CACNA1E: variants seen among roughly 807,000 people sequenced by gnomAD.
The protein encoded by CACNA1E is voltage-dependent R-type calcium channel subunit alpha-1E.
A neutral mutation model predicts 259.2 loss-of-function variants in CACNA1E; 40 were observed. The ratio of observed to expected loss-of-function variants is 0.15; its 90% confidence interval spans 0.12 to 0.20. CACNA1E has a LOEUF of 0.20. Among genes scored for constraint, CACNA1E ranks in the 10% least tolerant of loss-of-function variants. CACNA1E has a pLI of 1.00. For synonymous variants in CACNA1E, 1,104 were observed against 1,138.5 expected, an observed-to-expected ratio of 0.97 and a Z score of 0.61; for missense variants, 1,874 against 3,040.1, an observed-to-expected ratio of 0.62 and a Z score of 9.02.
chr1:181,371,999 A>G (rs752895550), intron 1 of CACNA1E, among the ~76,000 whole-genome samples: 6 of 152,142 alleles, frequency 3.9e-5, no homozygotes, highest in Non-Finnish European at 8.8e-5. Context: ...CTTGTAGTAT[A>G]GTTTGAAGTT....
In CACNA1E at chr1:181,733,499, C is replaced by A. The variant is rs1655719165; in HGVS notation, c.3011C>A (p.Thr1004Asn). Residue 1004 changes from threonine to asparagine, a missense_variant, in exon 21 of 48, where the codon ACC becomes AAC. Physicochemically the swap from Thr to Asn is moderately conservative, Grantham distance 65. Transcript: ENST00000367573. Reference sequence around the variant, plus strand: ...GCAGGAGGCCTTGATGAGGCTGACACCCCCCTAGTCCTGCCCCATCCTGAG... The same window carrying A: ...GCAGGAGGCCTTGATGAGGCTGACAACCCCCTAGTCCTGCCCCATCCTGAG... ...GLAGGLDEADTPLVLPHPELE... is the reference protein window; with the variant it reads ...GLAGGLDEADNPLVLPHPELE... 2 of 1,590,166 alleles carry A rather than the reference C, an allele frequency of 1.3e-6. No individual in the cohort carries two copies. The highest frequency in any genetic ancestry group is 1.3e-5 in the African/African-American group (1 of 74,222).
intron 20 of CACNA1E, among the ~76,000 whole-genome samples, 199 bp from the exon 21 acceptor site, chr1:181,733,238 G>A (rs1181515658): frequency 6.6e-6 from 1 of 152,242 alleles, no homozygotes; most frequent in Non-Finnish European, 1.5e-5. Flanking sequence ...GTGGGTCGTG[G>A]ATAGAAGGAT....
At chr1:181,477,153 C>T (rs529463981) in intron 2 of CACNA1E, among the ~76,000 whole-genome samples, 6 of 151,974 alleles carry the variant, frequency 3.9e-5, no homozygotes, top group African/African-American at 1.4e-4. Context: ...TACTGCCCCC[C>T]TCCCCACCCC....
intron 7 of CACNA1E, among the ~76,000 whole-genome samples, chr1:181,658,993 C>T (rs917268877): frequency 2.6e-5 from 4 of 151,978 alleles, no homozygotes; most frequent in Non-Finnish European, 5.9e-5. Context: ...AGATTGTGAG[C>T]TTTCTCCTTA....
intron 9 of CACNA1E, among the ~76,000 whole-genome samples, chr1:181,715,642 A>G (rs1260706139): frequency 6.6e-6 from 1 of 152,212 alleles, no homozygotes; most frequent in Non-Finnish European, 1.5e-5. Context: ...GATACTGAGC[A>G]AGGAAAAGGC....
chr1:181,326,078 A>G (rs1369819081), intron 1 of CACNA1E, among the ~76,000 whole-genome samples: 1 of 152,188 alleles, frequency 6.6e-6, no homozygotes, highest in African/African-American at 2.4e-5. Context: ...GCCGCTGCCA[A>G]TCCCAGCTCC....
intron 1 of CACNA1E, among the ~76,000 whole-genome samples, chr1:181,345,018 A>T (rs1652478244): frequency 6.6e-6 from 1 of 152,212 alleles, no homozygotes; most frequent in African/African-American, 2.4e-5. Flanking sequence ...CAGACCCTGG[A>T]GGTAAAGACA....
intron 23 of CACNA1E, among the ~76,000 whole-genome samples, chr1:181,738,080 A>C (rs1232634028): frequency 3.3e-5 from 5 of 152,244 alleles, no homozygotes; most frequent in Admixed American, 3.3e-4. Flanking sequence ...ACTAAGGGAC[A>C]GGTATGTGGG....
At chr1:181,730,644 A>T (rs1043851454) in intron 18 of CACNA1E, among the ~76,000 whole-genome samples, 7 of 152,214 alleles carry the variant, frequency 4.6e-5, no homozygotes, top group Admixed American at 2.6e-4. Context: ...GCCTCTGACC[A>T]TGGACCACTT....
At chr1:181,513,611 T>C (rs1666328006) in intron 3 of CACNA1E, among the ~76,000 whole-genome samples, 1 of 152,192 alleles carries the variant, frequency 6.6e-6, no homozygotes, top group African/African-American at 2.4e-5. Context: ...AACTAATGGC[T>C]GAGAGGAGGT....
At chr1:181,371,868 C>T (rs540795712) in intron 1 of CACNA1E, among the ~76,000 whole-genome samples, 1 of 152,348 alleles carries the variant, frequency 6.6e-6, no homozygotes, top group East Asian at 1.9e-4. Flanking sequence ...TTGTTATTGT[C>T]AACTTTGTGG....
intron 1 of CACNA1E, among the ~76,000 whole-genome samples, chr1:181,334,565 A>G (rs1651544521): frequency 6.6e-6 from 1 of 152,114 alleles, no homozygotes; most frequent in Non-Finnish European, 1.5e-5. Flanking sequence ...TCCTTCTAAT[A>G]GCTCTGGCCA....
At chr1:181,374,716 C>T (rs974559841) in intron 1 of CACNA1E, among the ~76,000 whole-genome samples, 2 of 152,152 alleles carry the variant, frequency 1.3e-5, no homozygotes, top group Admixed American at 6.6e-5. Flanking sequence ...ATCCTCCTAC[C>T]TCAGCCTCCC....
intron 6 of CACNA1E, among the ~76,000 whole-genome samples, chr1:181,596,776 TAGAA>T (rs1236919361): frequency 2.0e-5 from 3 of 152,042 alleles, no homozygotes; most frequent in Non-Finnish European, 4.4e-5. Context: ...CAAGATAAAG[TAGAA>T]AGAACAAGAA....
intron 6 of CACNA1E, among the ~76,000 whole-genome samples, chr1:181,642,120 G>A (rs557210072): frequency 1.2e-3 from 190 of 152,148 alleles, no homozygotes; most frequent in Non-Finnish European, 2.4e-3. Context: ...TTGATTGGAG[G>A]TCAGAAGTCC....
intron 7 of CACNA1E, among the ~76,000 whole-genome samples, chr1:181,696,348 T>C (rs1192626936): frequency 6.6e-6 from 1 of 152,220 alleles, no homozygotes; most frequent in African/African-American, 2.4e-5. Context: ...GGTGTTTTAT[T>C]CTGCCAGAGT....
intron 3 of CACNA1E, among the ~76,000 whole-genome samples, chr1:181,569,926 T>A (rs575421736): frequency 6.6e-6 from 1 of 152,154 alleles, no homozygotes; most frequent in Non-Finnish European, 1.5e-5. Context: ...AAGAACTGTA[T>A]GTAATTGGGA....
rs185197178 is a variant in CACNA1E, at chr1:181,796,912, G to A, written c.6399+54G>A. On this transcript the variant is annotated intron_variant, in intron 47 of 47. Transcript: ENST00000367573. ...GCAGAAGGACAGGGGAGGGTGGGCT[G>A]TATCATTAGATGCAAGTCGTGAGCA... 3.5e-5 allele frequency: 46 copies of A among 1,325,864 alleles called. No homozygotes were observed. In the East Asian group the frequency reaches 8.9e-4, roughly 26 times the overall value. The allele number at this position is 1,325,864 out of a possible 1,614,324, so 82.1% of individuals were successfully genotyped here.
rs149294228 is a variant in CACNA1E, at chr1:181,657,678, G to A, written c.1055+6237G>A. Among the ~76,000 whole-genome samples, 414 of 152,312 alleles carry A rather than the reference G, an allele frequency of 2.7e-3. 5 individuals carry two copies. The highest frequency in any genetic ancestry group is 9.7e-3 in the African/African-American group (405 of 41,574). On this transcript the variant is annotated intron_variant, in intron 7 of 47. Transcript: ENST00000367573. ...ACATCCGTGGGGGAAGGATTGGCAT[G>A]GAGAGAGACCAGATTCAGTAGGATT...
Sources: allele counts gnomAD v4.1 joint callset (sites outside exome capture counted in the v4.1 genomes callset), GRCh38; gene constraint gnomAD v4.1.1; transcripts MANE v1.5; gene names NCBI Gene and HGNC (gene_info 2026-07-23, HGNC 2026-07-21).